EPHA3: variants seen among roughly 807,000 people sequenced by gnomAD.
The protein encoded by EPHA3 is EPH receptor A3.
EPHA3 carries 42 observed loss-of-function variants against 107.1 expected under a neutral mutation model. That is an observed-to-expected ratio of 0.39 (90% CI 0.31 to 0.51). The LOEUF (loss-of-function observed/expected upper bound fraction) is 0.51. EPHA3 is among the 20% of genes least tolerant of loss of function. The pLI, the probability that EPHA3 is intolerant of heterozygous loss-of-function variation, is 0.78. For synonymous variants in EPHA3, 461 were observed against 424.8 expected (o/e 1.09, Z -1.05); for missense variants, 1,183 against 1,211.2 (o/e 0.98, Z 0.35).
At chr3:89,165,411 A>C (rs1705040001) in intron 2 of EPHA3, among the ~76,000 whole-genome samples, 1 of 152,228 alleles carries the variant, frequency 6.6e-6, no homozygotes, top group Admixed American at 6.5e-5. Context: ...TTTTTAATAA[A>C]TGCAATGCAA....
At chr3:89,316,950 A>C (rs2107372011) in intron 3 of EPHA3, among the ~76,000 whole-genome samples, 1 of 151,826 alleles carries the variant, frequency 6.6e-6, no homozygotes, top group Admixed American at 6.6e-5. Context: ...ATAAGTTCAG[A>C]GAGGCTGAAT....
intron 3 of EPHA3, among the ~76,000 whole-genome samples, chr3:89,275,056 T>A (rs1377968132): frequency 6.6e-6 from 1 of 152,046 alleles, no homozygotes. Flanking sequence ...TTTGAGTGGT[T>A]GTGACTTGTT....
At chr3:89,288,779 G>T (rs574660402) in intron 3 of EPHA3, among the ~76,000 whole-genome samples, 102 of 152,222 alleles carry the variant, frequency 6.7e-4, no homozygotes, top group Non-Finnish European at 1.1e-3. Flanking sequence ...AGAAAAGGAG[G>T]CATTGTGGTT....
rs550340453 is a variant in EPHA3 at position 89,374,710 on chromosome 3, G to T, written c.1307-21127G>T. 1.0e-3 allele frequency among the ~76,000 whole-genome samples: 159 copies of T among 151,580 alleles called. 1 individual carries two copies. Among genetic ancestry groups the T allele is most frequent in the African/African-American group, 3.7e-3 (153 of 41,386 alleles). ...TCTGCTGCTTGTTTGAGGGCCAATTGTCATGATACATCTCAGCTATTTCTT... is the reference window on the plus strand; with the variant it reads ...TCTGCTGCTTGTTTGAGGGCCAATTTTCATGATACATCTCAGCTATTTCTT... On this transcript the variant is annotated intron_variant, in intron 5 of 16. Transcript: ENST00000336596.
chr3:89,218,501 G>A (rs1215900402), intron 3 of EPHA3, among the ~76,000 whole-genome samples: 7 of 151,964 alleles, frequency 4.6e-5, no homozygotes, highest in African/African-American at 1.7e-4. Flanking sequence ...ATTCCATGGT[G>A]TATATGTGCC....
At chr3:89,459,316 CAAG>C (rs1209911196) in intron 15 of EPHA3, among the ~76,000 whole-genome samples, 5 of 152,202 alleles carry the variant, frequency 3.3e-5, no homozygotes, top group Non-Finnish European at 5.9e-5. Context: ...CAAGGCAAAA[CAAG>C]AAGATGTGCA....
intron 5 of EPHA3, among the ~76,000 whole-genome samples, chr3:89,359,407 T>G (rs538422958): frequency 6.6e-6 from 1 of 150,752 alleles, no homozygotes; most frequent in South Asian, 2.1e-4. Flanking sequence ...AAAAAAGATA[T>G]AAAGGAAAAA....
intron 13 of EPHA3, among the ~76,000 whole-genome samples, chr3:89,437,915 A>G (rs1709705857): frequency 6.6e-6 from 1 of 152,166 alleles, no homozygotes; most frequent in African/African-American, 2.4e-5. Flanking sequence ...TATATTCTCC[A>G]TTATTCGATT....
chr3:89,165,944 G>T (rs897874856), intron 2 of EPHA3, among the ~76,000 whole-genome samples: 5 of 152,132 alleles, frequency 3.3e-5, no homozygotes, highest in African/African-American at 1.2e-4. Flanking sequence ...TTCACCCTAT[G>T]GTTTGTTTTA....
chr3:89,116,724 A>G (rs980786912), intron 1 of EPHA3, among the ~76,000 whole-genome samples: 3 of 10,704 alleles, frequency 2.8e-4, no homozygotes, highest in African/African-American at 6.6e-4. Flanking sequence ...AACATTAAAA[A>G]AAAAAAAAAA....
intron 2 of EPHA3, among the ~76,000 whole-genome samples, chr3:89,127,548 A>C (rs1025304497): frequency 6.6e-6 from 1 of 152,008 alleles, no homozygotes; most frequent in African/African-American, 2.4e-5. Context: ...ATGATCTAAG[A>C]GTGACTTTTT....
chr3:89,415,408 G>A (rs1420660474), intron 10 of EPHA3, among the ~76,000 whole-genome samples: 6 of 146,426 alleles, frequency 4.1e-5, no homozygotes, highest in East Asian at 2.0e-4. Context: ...TCCATTGTTA[G>A]AAAGGCAAAC....
Position 89,209,888 on chromosome 3 carries a change from A to G in EPHA3, c.182A>G (p.His61Arg), listed in dbSNP as rs1310714298. ...GAAGAGATCAGTGGTGTGGATGAAC[A>G]TTACACACCCATCAGGACTTACCAG... ...GWEEISGVDE[H>R]YTPIRTYQVC... The change falls in exon 3 of 17, where the codon CAT becomes CGT. Residue 61 changes from histidine (H) to arginine (R), a missense_variant. Coordinates refer to ENST00000336596, the MANE Select transcript of EPHA3 (RefSeq NM_005233.6). 1 of 1,609,914 alleles carries G rather than the reference A, an allele frequency of 6.2e-7. No individual in the cohort carries two copies. The highest frequency in any genetic ancestry group is 8.5e-7 in the Non-Finnish European group (1 of 1,177,842).
At chr3:89,405,745 A>G (rs963373817) in intron 7 of EPHA3, among the ~76,000 whole-genome samples, 8 of 152,162 alleles carry the variant, frequency 5.3e-5, no homozygotes, top group African/African-American at 1.9e-4. Flanking sequence ...GTCCTGAGGT[A>G]TTCATGTACT....
At chr3:89,186,504 C>G (rs1489532821) in intron 2 of EPHA3, among the ~76,000 whole-genome samples, 1 of 152,126 alleles carries the variant, frequency 6.6e-6, no homozygotes, top group African/African-American at 2.4e-5. Flanking sequence ...GAATTTCACT[C>G]TGTGAAATGA....
chr3:89,322,284 T>C (rs888954827), intron 3 of EPHA3, among the ~76,000 whole-genome samples: 1 of 152,086 alleles, frequency 6.6e-6, no homozygotes, highest in African/African-American at 2.4e-5. Context: ...CATATGTGAA[T>C]GTGGTTTTTA....
At chr3:89,292,900 C>A (rs2107332138) in intron 3 of EPHA3, among the ~76,000 whole-genome samples, 1 of 152,292 alleles carries the variant, frequency 6.6e-6, no homozygotes, top group East Asian at 1.9e-4. Context: ...GTGACTTTTA[C>A]ACTTCTAACA....
chr3:89,408,243 T>G (rs1709090787), intron 9 of EPHA3, 112 bp downstream of exon 9: 2 of 961,102 alleles, frequency 2.1e-6, no homozygotes, highest in Non-Finnish European at 1.6e-6. Context: ...AGTAGTTTTA[T>G]GGAAAAACTG....
chr3:89,292,509 T>G (rs1344236105), intron 3 of EPHA3, among the ~76,000 whole-genome samples: 3 of 152,114 alleles, frequency 2.0e-5, no homozygotes, highest in Non-Finnish European at 4.4e-5. Flanking sequence ...TAGTAAAACT[T>G]TTACATGGAA....
Sources: gnomAD v4.1 joint callset for allele counts (sites outside exome capture counted in the v4.1 genomes callset) on GRCh38, gnomAD v4.1.1 for gene constraint, MANE v1.5 for transcripts, NCBI Gene and HGNC (gene_info 2026-07-23, HGNC 2026-07-21) for gene names.